MZT1: variants seen among roughly 807,000 people sequenced by gnomAD.
MZT1 encodes the protein mitotic spindle organizing protein 1, also known as mitotic-spindle organizing protein 1.
In MZT1, 8 loss-of-function variants were observed where a neutral mutation model predicts 8.5. The ratio of observed to expected loss-of-function variants is 0.94; its 90% CI spans 0.55 to 1.70. The LOEUF (loss-of-function observed/expected upper bound fraction) is 1.70, where lower values mean the gene tolerates loss of function less well. MZT1 is among the 40% of genes most tolerant of loss of function. The pLI is 0.00. For synonymous variants in MZT1, 38 were observed against 42.0 expected (o/e 0.90, Z 0.37); for missense variants, 93 against 108.6 (o/e 0.86, Z 0.64).
intron 1 of MZT1, among the ~76,000 whole-genome samples, chr13:72,727,184 G>A (rs1256034994): frequency 2.0e-5 from 3 of 152,226 alleles, no homozygotes; most frequent in African/African-American, 7.2e-5. Context: ...GTACTGGGTG[G>A]GGTGGGCGTG....
Position 72,727,553 on chromosome 13 carries a change from T to C in MZT1, c.50A>G (p.Asn17Ser), listed in dbSNP as rs778115494. The C allele has an allele frequency of 1.9e-6, 3 of 1,610,152 alleles. No individual in the cohort carries two copies. In the East Asian group the frequency reaches 6.7e-5, roughly 36 times the overall value. ...CATGGTCTCCCGCACCGCATTCAGATTCGCCGCCGCGGCCGCCGCCGCCGC... is the reference window on the plus strand; with the variant it reads ...CATGGTCTCCCGCACCGCATTCAGACTCGCCGCCGCGGCCGCCGCCGCCGC... ...AGAAAAAAAANLNAVRETMDV... is the reference protein window; with the variant it reads ...AGAAAAAAAASLNAVRETMDV... Residue 17 changes from asparagine (N) to serine (S), a missense_variant, in exon 1 of 3, where the codon AAT becomes AGT. Coordinates refer to ENST00000377818, the MANE Select transcript of MZT1 (RefSeq NM_001071775.3).
At position 72,727,618 on chromosome 13, in the gene MZT1, A is replaced by G. The variant is rs746444240; in HGVS notation, c.-16T>C. The G allele has an allele frequency of 2.5e-6, 4 of 1,574,418 alleles. No homozygotes were observed. Among genetic ancestry groups the G allele is most frequent in the Non-Finnish European group, 3.4e-6 (4 of 1,159,632 alleles). On this transcript the variant is annotated 5_prime_UTR_variant, in exon 1 of 3. Coordinates refer to ENST00000377818, the MANE Select transcript of MZT1 (RefSeq NM_001071775.3). Reference sequence around the variant, plus strand: ...TACTCGCCATGGCTAAGGCCGAGGGAGGCGGGAGAAGGGCCTGACCCGGAA... The same window carrying G: ...TACTCGCCATGGCTAAGGCCGAGGGGGGCGGGAGAAGGGCCTGACCCGGAA...
At position 72,709,564 on chromosome 13, in the gene MZT1, CAACT is replaced by C. The variant is rs1158879850; in HGVS notation, c.*754_*757del. 1 of 151,936 alleles carries C rather than the reference CAACT, an allele frequency of 6.6e-6. No individual in the cohort carries two copies. Among genetic ancestry groups the C allele is most frequent in the Non-Finnish European group, 1.5e-5 (1 of 67,890 alleles). 9.4% of individuals were successfully genotyped at this position (151,936 alleles called of 1,614,324 possible). A position where few individuals can be genotyped will look rare whatever the true frequency, so the allele number is the denominator to read the frequency against. On this transcript the variant is annotated 3_prime_UTR_variant, in exon 3 of 3. Transcript: ENST00000377818. ...ATATAAAACTTTAAGAAAACATTCTCAACTAACATTCTCATTAGATGTAAATGAT... is the reference window on the plus strand; with the variant it reads ...ATATAAAACTTTAAGAAAACATTCTCAACATTCTCATTAGATGTAAATGAT...
rs78916892 is a variant in MZT1, at chr13:72,721,259, C to T, written c.80-2162G>A. 5.6e-3 allele frequency among the ~76,000 whole-genome samples: 860 copies of T among 152,238 alleles called. 10 individuals carry two copies. Among genetic ancestry groups the T allele is most frequent in the African/African-American group, 0.019 (793 of 41,530 alleles). ...TAGATCTGTTAGGCAGGACCAGAGC[C>T]CTGTTTAGGATAGGGCTAATTATTC... On this transcript the variant is annotated intron_variant, in intron 1 of 2. Coordinates refer to ENST00000377818, the MANE Select transcript of MZT1 (RefSeq NM_001071775.3).
rs773101862 is a variant in MZT1 at position 72,719,076 on chromosome 13, A to C, written c.101T>G (p.Ile34Ser). ...TMDVLLEISR[I>S]LNTGLDMETL... ...TTCCATATCTAAGCCAGTATTCAAA[A>C]TTCTTGAAATCTCAAGCAGAACTGA... The change falls in exon 2 of 3, where the codon ATT becomes AGT. Residue 34 changes from isoleucine to serine, a missense_variant. By Grantham distance (142) the Ile-to-Ser change is moderately radical. Transcript: ENST00000377818. The C allele has an allele frequency of 6.5e-7, 1 of 1,543,258 alleles. No individual in the cohort carries two copies. The highest frequency in any genetic ancestry group is 8.6e-7 in the Non-Finnish European group (1 of 1,156,398).
Position 72,710,197 on chromosome 13 carries a change from T to C in MZT1, c.*125A>G. 1.1e-6 allele frequency: 1 copy of C among 920,360 alleles called. No individual in the cohort carries two copies. The highest frequency in any genetic ancestry group is 1.7e-6 in the Non-Finnish European group (1 of 595,016). 57.0% of individuals were successfully genotyped at this position (920,360 alleles called of 1,614,324 possible). Reference sequence around the variant, plus strand: ...TTATAAAGCTATGGTTTTATAATTCTTTTAAAAAGTAAAATTTTTCTACAC... The same window carrying C: ...TTATAAAGCTATGGTTTTATAATTCCTTTAAAAAGTAAAATTTTTCTACAC... On this transcript the variant is annotated 3_prime_UTR_variant, in exon 3 of 3. Coordinates refer to ENST00000377818, the MANE Select transcript of MZT1 (RefSeq NM_001071775.3).
rs772763025 is a variant in MZT1, at chr13:72,710,303, T to A, written c.*19A>T. 3.7e-6 allele frequency: 6 copies of A among 1,612,396 alleles called. No homozygotes were observed. Among genetic ancestry groups the A allele is most frequent in the African/African-American group, 2.7e-5 (2 of 74,860 alleles). On this transcript the variant is annotated 3_prime_UTR_variant, in exon 3 of 3. Transcript: ENST00000377818. ...CTCTTGCAGAGCTTGACATATCTCATCAGAATTTCTCCAGAAAGTCAGCTT... is the reference window on the plus strand; with the variant it reads ...CTCTTGCAGAGCTTGACATATCTCAACAGAATTTCTCCAGAAAGTCAGCTT...
At chr13:72,717,122 A>C (rs114494448) in intron 2 of MZT1, among the ~76,000 whole-genome samples, 341 of 152,246 alleles carry the variant, frequency 2.2e-3, no homozygotes, top group African/African-American at 7.7e-3. Flanking sequence ...ACAGGCTGAG[A>C]ATTTTCTAAA....
intron 2 of MZT1, among the ~76,000 whole-genome samples, chr13:72,718,064 CA>C (rs1293389114): frequency 3.9e-5 from 6 of 152,160 alleles, no homozygotes; most frequent in Admixed American, 6.5e-5. Context: ...GTTAAAACAA[CA>C]AAAATCTATT....
intron 1 of MZT1, 66 bp downstream of exon 1, chr13:72,727,458 A>AT (rs2032686190): frequency 6.6e-7 from 1 of 1,518,824 alleles, no homozygotes; most frequent in African/African-American, 1.4e-5. Flanking sequence ...CCCCAGGCTC[A>AT]TTCCCGCCTG....
At chr13:72,711,233 C>T (rs186006328) in intron 2 of MZT1, among the ~76,000 whole-genome samples, 5 of 152,178 alleles carry the variant, frequency 3.3e-5, no homozygotes, top group Admixed American at 2.0e-4. Context: ...ACACATAAAT[C>T]CTAGAACTAA....
chr13:72,726,688 A>G (rs1328947774), intron 1 of MZT1, among the ~76,000 whole-genome samples: 3 of 151,666 alleles, frequency 2.0e-5, no homozygotes, highest in African/African-American at 7.3e-5. Flanking sequence ...ATATGTTTTT[A>G]CATGGTTGTC....
chr13:72,722,759 C>T, intron 1 of MZT1, among the ~76,000 whole-genome samples: 1 of 152,182 alleles, frequency 6.6e-6, no homozygotes, highest in East Asian at 1.9e-4. Flanking sequence ...CTGTGGTTCC[C>T]ATCTGCTCCT....
chr13:72,721,910 C>G (rs1455738707), intron 1 of MZT1, among the ~76,000 whole-genome samples: 1 of 152,218 alleles, frequency 6.6e-6, no homozygotes, highest in Non-Finnish European at 1.5e-5. Flanking sequence ...ATACTTTGCT[C>G]TTCAGCTGTA....
Position 72,714,690 on chromosome 13 carries a change from GC to G in MZT1, c.225+4261del, listed in dbSNP as rs559825151. 7.2e-5 allele frequency among the ~76,000 whole-genome samples: 11 copies of G among 152,226 alleles called. No homozygotes were observed. In the South Asian group the frequency reaches 2.3e-3, roughly 32 times the overall value. ...CTGGCTCCAGCCATGACTCAAAGTG[GC>G]CCAGGTATAGCTTGGGACACGGCTT... On this transcript the variant is annotated intron_variant, in intron 2 of 2. Coordinates refer to ENST00000377818, the MANE Select transcript of MZT1 (RefSeq NM_001071775.3).
At chr13:72,722,033 C>T (rs2032597568) in intron 1 of MZT1, among the ~76,000 whole-genome samples, 2 of 152,272 alleles carry the variant, frequency 1.3e-5, no homozygotes, top group Admixed American at 6.5e-5. Flanking sequence ...TAACTAAATG[C>T]TTATTTATAG....
intron 1 of MZT1, 61 bp from the exon 2 acceptor site, chr13:72,719,158 T>C (rs1593797798): frequency 8.3e-7 from 1 of 1,199,538 alleles, no homozygotes; most frequent in East Asian, 2.6e-5. Context: ...AATATGCATA[T>C]AGTACTTTCA....
At chr13:72,727,439 T>C in intron 1 of MZT1, 85 bp downstream of exon 1, 1 of 1,376,616 alleles carries the variant, frequency 7.3e-7, no homozygotes, top group Non-Finnish European at 1.0e-6. Context: ...TAAGGGGACC[T>C]GAAGTCCTCC....
intron 2 of MZT1, among the ~76,000 whole-genome samples, chr13:72,711,131 A>G (rs1334066608): frequency 6.6e-6 from 1 of 152,226 alleles, no homozygotes; most frequent in African/African-American, 2.4e-5. Flanking sequence ...CCATAATGGT[A>G]TAACTTAAGA....
Sources: allele counts gnomAD v4.1 joint callset (sites outside exome capture counted in the v4.1 genomes callset), GRCh38; gene constraint gnomAD v4.1.1; transcripts MANE v1.5; gene names NCBI Gene and HGNC (gene_info 2026-07-23, HGNC 2026-07-21).